The following DKK2 variants were observed in gnomAD, a reference collection of about 807,000 sequenced individuals.
The protein encoded by DKK2 is dickkopf Wnt signaling pathway inhibitor 2, also known as dickkopf-related protein 2.
A neutral mutation model predicts 28.1 loss-of-function variants in DKK2; 11 were observed. That is an observed-to-expected ratio of 0.39 (90% CI 0.25 to 0.65). The LOEUF is 0.65. Among genes scored for constraint, DKK2 ranks in the 30% least tolerant of loss-of-function variants. The probability of loss-of-function intolerance (pLI) is 0.47; values close to 1 mark genes in which losing one functional copy is unlikely to be tolerated. For synonymous variants in DKK2, 135 were observed against 126.5 expected, an observed-to-expected ratio of 1.07 and a Z score of -0.45; for missense variants, 326 against 335.5, an observed-to-expected ratio of 0.97 and a Z score of 0.22.
At position 106,934,439 on chromosome 4, in the gene DKK2, T is replaced by C. The variant is rs187277636; in HGVS notation, c.223-8490A>G. Among the ~76,000 whole-genome samples, 296 of 152,286 alleles carry C rather than the reference T, an allele frequency of 1.9e-3. 2 individuals are homozygous for C. In the South Asian group the frequency reaches 0.026, roughly 13 times the overall value. The stretch of plus-strand genomic sequence containing the variant: ...AGCACCTCGACTGAAGTTTCTTTAT[T>C]AAAAATTGTGTTTTGTTTCAGAAAT... On this transcript the variant is annotated intron_variant, in intron 1 of 3. Transcript: ENST00000285311.
chr4:107,004,769 C>T, intron 1 of DKK2, among the ~76,000 whole-genome samples: 1 of 152,126 alleles, frequency 6.6e-6, no homozygotes, highest in East Asian at 1.9e-4. Flanking sequence ...TATAAAATTA[C>T]AGAATTTAAT....
chr4:107,018,494 G>A (rs1249609708), intron 1 of DKK2, among the ~76,000 whole-genome samples: 1 of 152,070 alleles, frequency 6.6e-6, no homozygotes, highest in Non-Finnish European at 1.5e-5. Context: ...TCATATCTGA[G>A]AGATGACAAG....
chr4:106,937,348 C>A (rs1481543213), intron 1 of DKK2, among the ~76,000 whole-genome samples: 1 of 133,400 alleles, frequency 7.5e-6, no homozygotes, highest in South Asian at 2.8e-4. Flanking sequence ...TTTAAACCAA[C>A]AAAGATCAAA....
chr4:106,996,667 G>C (rs1372032308), intron 1 of DKK2, among the ~76,000 whole-genome samples: 1 of 152,088 alleles, frequency 6.6e-6, no homozygotes, highest in African/African-American at 2.4e-5. Context: ...AGCAGGATGA[G>C]GAAAAACAGC....
intron 1 of DKK2, among the ~76,000 whole-genome samples, chr4:106,997,192 C>G (rs549336718): frequency 6.6e-6 from 1 of 152,216 alleles, no homozygotes; most frequent in African/African-American, 2.4e-5. Flanking sequence ...CAGAGAATAA[C>G]TATTCCCACT....
intron 1 of DKK2, among the ~76,000 whole-genome samples, chr4:106,960,033 T>A (rs1722661993): frequency 6.6e-6 from 1 of 151,766 alleles, no homozygotes; most frequent in South Asian, 2.1e-4. Flanking sequence ...TTTATTATAT[T>A]TTTTATTGAA....
intron 1 of DKK2, among the ~76,000 whole-genome samples, chr4:107,006,631 T>C (rs1205196954): frequency 6.6e-6 from 1 of 152,134 alleles, no homozygotes; most frequent in Non-Finnish European, 1.5e-5. Context: ...GTGCAGGTGG[T>C]TTCCACTTTT....
At chr4:106,949,739 GA>G (rs1205289044) in intron 1 of DKK2, among the ~76,000 whole-genome samples, 3 of 152,090 alleles carry the variant, frequency 2.0e-5, no homozygotes, top group Non-Finnish European at 4.4e-5. Flanking sequence ...TGCAATTAGT[GA>G]AAAACTTACC....
intron 1 of DKK2, among the ~76,000 whole-genome samples, chr4:107,016,359 G>A (rs779912554): frequency 1.1e-4 from 17 of 151,850 alleles, no homozygotes; most frequent in Non-Finnish European, 2.2e-4. Flanking sequence ...AATTTTCCCT[G>A]CCCTGGCCGT....
At chr4:106,995,637 G>C (rs910985507) in intron 1 of DKK2, among the ~76,000 whole-genome samples, 1 of 152,098 alleles carries the variant, frequency 6.6e-6, no homozygotes, top group East Asian at 1.9e-4. Context: ...TTTAGAGACG[G>C]ACTCTCGCTC....
In DKK2 at chr4:107,027,607, T is replaced by G. The variant is rs541318589; in HGVS notation, c.222+7763A>C. 1.9e-3 allele frequency among the ~76,000 whole-genome samples: 283 copies of G among 152,276 alleles called. 1 individual carries two copies. The highest frequency in any genetic ancestry group is 8.1e-3 in the South Asian group (39 of 4,824). On this transcript the variant is annotated intron_variant, in intron 1 of 3. Transcript: ENST00000285311. ...CTTGGCCAATACACTATGTAGAAAG[T>G]GTCAAGAATCTTGTCTGTGCAGGGG...
chr4:106,951,856 A>G (rs1254547476), intron 1 of DKK2, among the ~76,000 whole-genome samples: 1 of 152,182 alleles, frequency 6.6e-6, no homozygotes, highest in Admixed American at 6.6e-5. Context: ...ATGGCTCCTA[A>G]GAAAGAAAAT....
At chr4:106,958,837 C>CAAA (rs767389620) in intron 1 of DKK2, among the ~76,000 whole-genome samples, 13 of 67,042 alleles carry the variant, frequency 1.9e-4, no homozygotes, top group Admixed American at 1.1e-3. Flanking sequence ...AACTCAATCT[C>CAAA]AAAAAAAAAA....
chr4:106,970,138 G>C (rs1206631483), intron 1 of DKK2, among the ~76,000 whole-genome samples: 1 of 152,040 alleles, frequency 6.6e-6, no homozygotes, highest in Non-Finnish European at 1.5e-5. Context: ...TGTTTAGCCT[G>C]AGTTTTTACA....
chr4:106,944,229 A>G (rs1007592474), intron 1 of DKK2, among the ~76,000 whole-genome samples: 2 of 152,044 alleles, frequency 1.3e-5, no homozygotes, highest in African/African-American at 4.8e-5. Context: ...TGCCTCATAG[A>G]ATGTCACCAC....
At chr4:106,935,742 G>A (rs1005716047) in intron 1 of DKK2, among the ~76,000 whole-genome samples, 3 of 152,148 alleles carry the variant, frequency 2.0e-5, no homozygotes, top group African/African-American at 4.8e-5. Context: ...GAGAGCAGTG[G>A]TTCTCCCAGC....
At chr4:106,971,834 C>A (rs1055553430) in intron 1 of DKK2, among the ~76,000 whole-genome samples, 1 of 152,070 alleles carries the variant, frequency 6.6e-6, no homozygotes, top group Non-Finnish European at 1.5e-5. Flanking sequence ...CATGCAGAGT[C>A]CTTTGGAGTA....
intron 1 of DKK2, among the ~76,000 whole-genome samples, chr4:106,980,237 G>C (rs934799736): frequency 6.6e-6 from 1 of 151,434 alleles, no homozygotes; most frequent in African/African-American, 2.4e-5. Flanking sequence ...AGACTATATG[G>C]TTATATATCT....
At chr4:106,990,343 G>A (rs1362766848) in intron 1 of DKK2, among the ~76,000 whole-genome samples, 3 of 152,190 alleles carry the variant, frequency 2.0e-5, no homozygotes, top group Non-Finnish European at 2.9e-5. Context: ...GAGGTGACCT[G>A]AGCAGGGAAG....
Sources: gnomAD v4.1 joint callset for allele counts (sites outside exome capture counted in the v4.1 genomes callset) on GRCh38, gnomAD v4.1.1 for gene constraint, MANE v1.5 for transcripts, NCBI Gene and HGNC (gene_info 2026-07-23, HGNC 2026-07-21) for gene names.